Variants in ATR observed in about 807,000 individuals in gnomAD.
The protein encoded by ATR is ATR checkpoint kinase.
ATR carries 142 observed loss-of-function variants against 305.3 expected under a neutral mutation model. That is an observed-to-expected ratio of 0.47 (90% CI 0.41 to 0.53). The LOEUF is 0.53. Ranked by LOEUF, ATR falls within the 20% of genes least tolerant of loss-of-function variation. The probability of loss-of-function intolerance (pLI) is 0.00; values close to 1 mark genes in which losing one functional copy is unlikely to be tolerated. For synonymous variants in ATR, 1,050 were observed against 1,068.1 expected, an observed-to-expected ratio of 0.98 and a Z score of 0.33; for missense variants, 2,135 against 3,133.1, an observed-to-expected ratio of 0.68 and a Z score of 7.60.
chr3:142,553,211 A>C lies in ATR; in HGVS notation c.2805+16T>G. On this transcript the variant is annotated intron_variant, in intron 13 of 46. Transcript: ENST00000350721. ...TACTGCTGTTGCCTATAGTCCAGAC[A>C]AACGCTGACTCTTACCTGACAGATG... 1 of 1,613,786 alleles carries C rather than the reference A, an allele frequency of 6.2e-7. No individual in the cohort carries two copies. Among genetic ancestry groups the C allele is most frequent in the Non-Finnish European group, 8.5e-7 (1 of 1,179,670 alleles).
At chr3:142,552,405 C>T (rs2034504124) in intron 13 of ATR, among the ~76,000 whole-genome samples, 6 of 152,194 alleles carry the variant, frequency 3.9e-5, no homozygotes, top group Admixed American at 3.9e-4. Flanking sequence ...TGCAGTGGCT[C>T]ATGCCTGTAA....
chr3:142,545,939 G>T (rs953408240), intron 16 of ATR, among the ~76,000 whole-genome samples: 5 of 152,140 alleles, frequency 3.3e-5, no homozygotes, highest in Admixed American at 1.3e-4. Flanking sequence ...ATTTGGAATT[G>T]TTTGAGATGC....
intron 16 of ATR, among the ~76,000 whole-genome samples, chr3:142,544,452 CAAAAAAAAAAAA>C (rs57120276): frequency 1.9e-3 from 36 of 18,974 alleles, no homozygotes; most frequent in Middle Eastern, 0.1. Context: ...ATCCTGCCTC[CAAAAAAAAAAAA>C]AAAAAAAAAA....
At chr3:142,544,162 A>G (rs930696861) in intron 16 of ATR, among the ~76,000 whole-genome samples, 74 of 152,182 alleles carry the variant, frequency 4.9e-4, no homozygotes, top group African/African-American at 1.8e-3. Context: ...AGGCTAAATA[A>G]GATACCATTT....
In ATR at chr3:142,457,764, C is replaced by G. The variant is rs1201123230; in HGVS notation, c.7504-9G>C. 6.2e-7 allele frequency: 1 copy of G among 1,612,818 alleles called. No individual in the cohort carries two copies. The highest frequency in any genetic ancestry group is 1.7e-5 in the Admixed American group (1 of 59,986). ...ACTTCAAAGGTTTCTCCCTTAGAAA[C>G]AATACATTTTATTACAAACTAACAA... is the stretch of plus-strand genomic sequence containing the variant. On this transcript the variant is annotated splice_polypyrimidine_tract_variant and intron_variant, in intron 44 of 46. Coordinates refer to ENST00000350721, the MANE Select transcript of ATR (RefSeq NM_001184.4).
At chr3:142,465,939 G>A (rs1208699062) in intron 40 of ATR, 1 of 225,658 alleles carries the variant, frequency 4.4e-6, no homozygotes, top group Non-Finnish European at 8.8e-6. Context: ...CTAAGAGGCA[G>A]AGGTTGCAGT....
intron 36 of ATR, among the ~76,000 whole-genome samples, chr3:142,477,193 C>T (rs957396436): frequency 4.0e-5 from 6 of 150,930 alleles, no homozygotes; most frequent in Non-Finnish European, 7.4e-5. Flanking sequence ...AGGAATGCTT[C>T]CAGTTTTTGC....
chr3:142,485,018 A>G (rs1042170567), intron 36 of ATR, 122 bp downstream of exon 36: 10 of 1,408,934 alleles, frequency 7.1e-6, no homozygotes, highest in Non-Finnish European at 9.9e-6. Context: ...ATCTAAGGTG[A>G]TACACTGAAT....
chr3:142,450,943 G>C (rs2070774771), intron 46 of ATR: 2 of 1,207,362 alleles, frequency 1.7e-6, no homozygotes, highest in African/African-American at 1.6e-5. Flanking sequence ...GCTCACCTCA[G>C]AAAAGAAAAA....
chr3:142,523,974 C>G lies in ATR; in HGVS notation c.4152+19G>C, dbSNP rs1348509356. 1 of 1,607,388 alleles carries G rather than the reference C, an allele frequency of 6.2e-7. No homozygotes were observed. Among genetic ancestry groups the G allele is most frequent in the Non-Finnish European group, 8.5e-7 (1 of 1,174,180 alleles). ...TAGGACAGAGAACTCTTTTGTCATT[C>G]CAAATTTCCACTACTTACCACAAAT... On this transcript the variant is annotated intron_variant, in intron 22 of 46. Coordinates refer to ENST00000350721, the MANE Select transcript of ATR (RefSeq NM_001184.4).
chr3:142,538,629 T>C lies in ATR; in HGVS notation c.3582-4A>G, dbSNP rs2033943615. 2 of 1,613,302 alleles carry C rather than the reference T, an allele frequency of 1.2e-6. No homozygotes were observed. The highest frequency in any genetic ancestry group is 1.7e-6 in the Non-Finnish European group (2 of 1,179,512). On this transcript the variant is annotated splice_polypyrimidine_tract_variant and splice_region_variant and intron_variant, in intron 18 of 46. Coordinates refer to ENST00000350721, the MANE Select transcript of ATR (RefSeq NM_001184.4). The stretch of plus-strand genomic sequence containing the variant: ...GCGAACAAAGCAGTCCCAAGCTCTA[T>C]GTGAAAAAACAAATAGAAATGAAGT...
rs1173291561 is a variant in ATR, at chr3:142,496,323, T to C, written c.5898+38A>G. 1.6e-4 allele frequency: 49 copies of C among 308,886 alleles called. 1 individual carries two copies. Among genetic ancestry groups the C allele is most frequent in the African/African-American group, 7.7e-4 (23 of 29,722 alleles). 19.1% of individuals were successfully genotyped at this position (308,886 alleles called of 1,614,324 possible). A position where few individuals can be genotyped will look rare whatever the true frequency, so the allele number is the denominator to read the frequency against. On this transcript the variant is annotated intron_variant, in intron 34 of 46. Coordinates refer to ENST00000350721, the MANE Select transcript of ATR (RefSeq NM_001184.4). ...ATATATATATATATATATATATATA[T>C]ATATATATATATATGATGACATTTC...
chr3:142,578,287 G>GA (rs2035505706), intron 1 of ATR, among the ~76,000 whole-genome samples: 1 of 152,176 alleles, frequency 6.6e-6, no homozygotes, highest in African/African-American at 2.4e-5. Flanking sequence ...CTCGTCTAAG[G>GA]AAAAAGATTT....
intron 27 of ATR, among the ~76,000 whole-genome samples, chr3:142,510,478 T>TA (rs1183216419): frequency 6.6e-6 from 1 of 151,804 alleles, no homozygotes; most frequent in Non-Finnish European, 1.5e-5. Context: ...AAAAAAAAAT[T>TA]AAAAAACAAA....
intron 14 of ATR, 113 bp from the exon 15 acceptor site, chr3:142,549,786 C>T (rs34105425): frequency 2.1e-6 from 2 of 938,772 alleles, no homozygotes; most frequent in Non-Finnish European, 3.3e-6. Context: ...GGAGTCCACT[C>T]CATACTATAA....
intron 1 of ATR, among the ~76,000 whole-genome samples, chr3:142,571,508 T>C (rs576894882): frequency 1.1e-4 from 14 of 127,526 alleles, no homozygotes; most frequent in African/African-American, 4.0e-4. Context: ...AATAAATAAA[T>C]AATCAAAAGC....
In ATR at chr3:142,562,340, A is replaced by C. The variant is rs144776553; in HGVS notation, c.1062T>G (p.Leu354=). ...AALCHLLQYF[L]KFVPAGYESA... is the part of the protein sequence containing the mutation. Reference sequence around the variant, plus strand: ...ATTCATACCCAGCTGGCACAAATTTAAGGAAATACTGCAGTAAATGGCACA... The same window carrying C: ...ATTCATACCCAGCTGGCACAAATTTCAGGAAATACTGCAGTAAATGGCACA... Residue 354 remains leucine (L), a synonymous_variant, in exon 4 of 47, where the codon CTT becomes CTG. Transcript: ENST00000350721. 4.3e-6 allele frequency: 7 copies of C among 1,614,020 alleles called. No homozygotes were observed. In the African/African-American group the frequency reaches 6.7e-5, roughly 15 times the overall value.
chr3:142,451,785 G>A lies in ATR; in HGVS notation c.7761+1343C>T, dbSNP rs909247686. The A allele has an allele frequency of 1.7e-5, 20 of 1,211,472 alleles. 1 individual carries two copies. The South Asian group carries it at 3.0e-4, about 18-fold the overall frequency. 75.0% of individuals were successfully genotyped at this position (1,211,472 alleles called of 1,614,324 possible). A position where few individuals can be genotyped will look rare whatever the true frequency, so the allele number is the denominator to read the frequency against. ...AAAACTATTTGTAGAGACCAGGGCT[G>A]GCTTTGTCCAGTTAGATATGTATAT... On this transcript the variant is annotated intron_variant, in intron 46 of 46. Transcript: ENST00000350721.
At chr3:142,485,702 A>G (rs958334524) in intron 35 of ATR, among the ~76,000 whole-genome samples, 7 of 152,212 alleles carry the variant, frequency 4.6e-5, no homozygotes, top group African/African-American at 1.7e-4. Flanking sequence ...CAAGTCTCTA[A>G]AGAGTGTAGG....
Sources: allele counts gnomAD v4.1 joint callset (sites outside exome capture counted in the v4.1 genomes callset), GRCh38; gene constraint gnomAD v4.1.1; transcripts MANE v1.5; gene names NCBI Gene and HGNC (gene_info 2026-07-23, HGNC 2026-07-21).